Variants in PTPN4 observed in about 807,000 individuals in gnomAD.
PTPN4 encodes tyrosine-protein phosphatase non-receptor type 4.
Under a neutral mutation model 135.5 loss-of-function variants are expected in PTPN4, and 49 were observed. The ratio of observed to expected loss-of-function variants is 0.36; its 90% CI spans 0.29 to 0.46. The LOEUF is 0.46. Among genes scored for constraint, PTPN4 ranks in the 20% least tolerant of loss-of-function variants. The pLI, the probability that PTPN4 is intolerant of heterozygous loss-of-function variation, is 1.00. For missense variants in PTPN4, 860 were observed against 1,101.0 expected (o/e 0.78, Z 3.10); for synonymous variants, 333 against 369.9 (o/e 0.90, Z 1.14).
intron 5 of PTPN4, among the ~76,000 whole-genome samples, chr2:119,878,903 C>T (rs1231852424): frequency 6.6e-6 from 1 of 151,626 alleles, no homozygotes; most frequent in Non-Finnish European, 1.5e-5. Context: ...AACATCCTGG[C>T]TAACACGGTG....
chr2:119,869,670 A>AAT (rs1453855459), intron 3 of PTPN4, among the ~76,000 whole-genome samples: 1 of 152,168 alleles, frequency 6.6e-6, no homozygotes, highest in Non-Finnish European at 1.5e-5. Context: ...AAAGATTGCT[A>AAT]ATATATATCT....
At chr2:119,845,725 T>C (rs867602760) in intron 2 of PTPN4, among the ~76,000 whole-genome samples, 37 of 152,292 alleles carry the variant, frequency 2.4e-4, no homozygotes, top group African/African-American at 6.5e-4. Context: ...TATACATTTC[T>C]GCACTAACTT....
chr2:119,923,846 A>T (rs970805928), intron 12 of PTPN4, among the ~76,000 whole-genome samples: 1 of 152,108 alleles, frequency 6.6e-6, no homozygotes, highest in Admixed American at 6.6e-5. Context: ...ATATAACTTT[A>T]AAAAAATGAG....
intron 15 of PTPN4, among the ~76,000 whole-genome samples, chr2:119,943,712 G>A (rs537863279): frequency 1.2e-4 from 17 of 139,614 alleles, no homozygotes; most frequent in South Asian, 2.4e-4. Flanking sequence ...CAGCCCCCCC[G>A]AGTAGCTGGG....
intron 2 of PTPN4, among the ~76,000 whole-genome samples, chr2:119,856,138 C>T (rs1037624562): frequency 1.3e-5 from 2 of 152,160 alleles, no homozygotes; most frequent in African/African-American, 4.8e-5. Flanking sequence ...AACATGGTGA[C>T]TTAGAGCATA....
intron 2 of PTPN4, among the ~76,000 whole-genome samples, chr2:119,814,280 A>G (rs1485055496): frequency 1.3e-5 from 2 of 152,198 alleles, no homozygotes; most frequent in African/African-American, 4.8e-5. Context: ...TCTGTACAAT[A>G]CAGGCAGTAT....
chr2:119,795,490 G>C (rs1462673565), intron 1 of PTPN4, among the ~76,000 whole-genome samples: 1 of 152,228 alleles, frequency 6.6e-6, no homozygotes, highest in Admixed American at 6.5e-5. Context: ...GTGGCAGGGG[G>C]CTGGCATGTC....
chr2:119,791,968 G>A (rs1038524362), intron 1 of PTPN4, among the ~76,000 whole-genome samples: 36 of 151,970 alleles, frequency 2.4e-4, no homozygotes, highest in African/African-American at 4.8e-4. Context: ...GGCTCTGTTC[G>A]TGTTTTTTTG....
intron 8 of PTPN4, 63 bp downstream of exon 8, chr2:119,882,686 T>G (rs1192113557): frequency 7.6e-7 from 1 of 1,314,082 alleles, no homozygotes; most frequent in Non-Finnish European, 1.0e-6. Flanking sequence ...AGAGAAATGT[T>G]TGAAATTCTA....
chr2:119,945,736 AGATTTGTGGTT>A (rs1383831386), intron 16 of PTPN4, among the ~76,000 whole-genome samples: 7 of 152,124 alleles, frequency 4.6e-5, no homozygotes, highest in African/African-American at 1.7e-4. Flanking sequence ...GACAGTAAGT[AGATTTGTGGTT>A]GACTAGGCTT....
At chr2:119,939,886 C>T (rs34779810) in intron 15 of PTPN4, among the ~76,000 whole-genome samples, 1,589 of 152,154 alleles carry the variant, frequency 0.01, 30 homozygotes, top group African/African-American at 0.037. Context: ...GTAAAAAAAT[C>T]GAAGGTTTGA....
intron 26 of PTPN4, among the ~76,000 whole-genome samples, chr2:119,970,090 G>A (rs1050336755): frequency 1.4e-4 from 21 of 150,442 alleles, no homozygotes; most frequent in South Asian, 1.3e-3. Context: ...ACAGAGTTTC[G>A]CTCCTGTTGC....
intron 3 of PTPN4, among the ~76,000 whole-genome samples, chr2:119,868,479 G>C (rs922271252): frequency 6.6e-6 from 1 of 152,090 alleles, no homozygotes; most frequent in African/African-American, 2.4e-5. Flanking sequence ...CCCAAAATCT[G>C]GCCATAAACT....
At chr2:119,834,758 G>A (rs1365235694) in intron 2 of PTPN4, among the ~76,000 whole-genome samples, 1 of 152,072 alleles carries the variant, frequency 6.6e-6, no homozygotes, top group Non-Finnish European at 1.5e-5. Flanking sequence ...ACAAGTCTGT[G>A]TAATCTCCCT....
chr2:119,914,240 G>A (rs1281594742), intron 10 of PTPN4, among the ~76,000 whole-genome samples: 1 of 111,582 alleles, frequency 9.0e-6, no homozygotes, highest in African/African-American at 4.8e-5. Context: ...ACAGTCAATA[G>A]TTACTCAATT....
Position 119,935,984 on chromosome 2 carries a change from G to A in PTPN4, c.1355+1026G>A, listed in dbSNP as rs572306967. Among the ~76,000 whole-genome samples, 105 of 152,024 alleles carry A rather than the reference G, an allele frequency of 6.9e-4. No homozygotes were observed. The South Asian group carries it at 8.7e-3, about 13-fold the overall frequency. The stretch of plus-strand genomic sequence containing the variant: ...CTTTTCCAAAGAAAGACATATAAAC[G>A]CAATTGAATATTTCCACATGTAAAT... On this transcript the variant is annotated intron_variant, in intron 15 of 26. Coordinates refer to ENST00000263708, the MANE Select transcript of PTPN4 (RefSeq NM_002830.4).
intron 1 of PTPN4, among the ~76,000 whole-genome samples, chr2:119,801,582 G>A (rs1306599712): frequency 6.6e-6 from 1 of 151,944 alleles, no homozygotes; most frequent in East Asian, 1.9e-4. Context: ...TTTTTTATCA[G>A]CATTTTGTAG....
At position 119,932,406 on chromosome 2, in the gene PTPN4, T is replaced by C; in HGVS notation, c.1071-18T>C. The C allele has an allele frequency of 6.4e-7, 1 of 1,560,242 alleles. No homozygotes were observed. Among genetic ancestry groups the C allele is most frequent in the Non-Finnish European group, 8.7e-7 (1 of 1,154,076 alleles). The stretch of plus-strand genomic sequence containing the variant: ...TAAAAATAAAACTTTTAACATATTA[T>C]TTAATTTATTTCTGCAGATCCCCAA... On this transcript the variant is annotated intron_variant, in intron 13 of 26. Coordinates refer to ENST00000263708, the MANE Select transcript of PTPN4 (RefSeq NM_002830.4).
chr2:119,887,643 C>G (rs560674331), intron 9 of PTPN4, among the ~76,000 whole-genome samples: 1 of 152,150 alleles, frequency 6.6e-6, no homozygotes, highest in African/African-American at 2.4e-5. Context: ...TGTCCTTTCC[C>G]CAATGTAAGT....
Sources: allele counts gnomAD v4.1 joint callset (sites outside exome capture counted in the v4.1 genomes callset), GRCh38; gene constraint gnomAD v4.1.1; transcripts MANE v1.5; gene names NCBI Gene and HGNC (gene_info 2026-07-23, HGNC 2026-07-21).